ADAM18: variants seen among roughly 807,000 people sequenced by gnomAD.
The protein encoded by ADAM18 is ADAM metallopeptidase domain 18, also known as disintegrin and metalloproteinase domain-containing protein 18.
ADAM18 carries 117 observed loss-of-function variants against 94.4 expected under a neutral mutation model. The observed-to-expected ratio is 1.24, with a 90% CI of 1.07 to 1.45. The LOEUF is 1.45. ADAM18 is among the 40% of genes most tolerant of loss of function. The pLI is 0.00. For missense variants in ADAM18, 936 were observed against 880.0 expected (o/e 1.06, Z -0.81); for synonymous variants, 327 against 291.6 (o/e 1.12, Z -1.24).
chr8:39,645,159 C>T (rs1820343942), intron 10 of ADAM18, among the ~76,000 whole-genome samples, 179 bp from the exon 11 acceptor site: 1 of 152,156 alleles, frequency 6.6e-6, no homozygotes, highest in Non-Finnish European at 1.5e-5. Context: ...TTACTTGTTT[C>T]ATGCTTCTTA....
rs529851475 is a variant in ADAM18, at chr8:39,588,173, C to T, written c.132+2821C>T. Among the ~76,000 whole-genome samples, 154 of 151,844 alleles carry T rather than the reference C, an allele frequency of 1.0e-3. 1 individual carries two copies. Among genetic ancestry groups the T allele is most frequent in the African/African-American group, 3.6e-3 (151 of 41,454 alleles). On this transcript the variant is annotated intron_variant, in intron 2 of 19. Coordinates refer to ENST00000265707, the MANE Select transcript of ADAM18 (RefSeq NM_014237.3). Reference sequence around the variant, plus strand: ...CACCAATAGTGTACAAAGATTCCAACTTCTCCACATCTTTGCCAGTGCTTG... The same window carrying T: ...CACCAATAGTGTACAAAGATTCCAATTTCTCCACATCTTTGCCAGTGCTTG...
At chr8:39,649,052 A>G (rs1392583987) in intron 12 of ADAM18, among the ~76,000 whole-genome samples, 2 of 152,128 alleles carry the variant, frequency 1.3e-5, no homozygotes, top group African/African-American at 4.8e-5. Context: ...CAAATGTTCA[A>G]TGAACATTAT....
intron 17 of ADAM18, among the ~76,000 whole-genome samples, chr8:39,704,269 G>A (rs79976202): frequency 2.0e-5 from 3 of 152,002 alleles, no homozygotes; most frequent in African/African-American, 7.2e-5. Context: ...TAAAATTTTA[G>A]GCCTATATCT....
intron 16 of ADAM18, among the ~76,000 whole-genome samples, chr8:39,689,668 G>C (rs1356073134): frequency 1.3e-5 from 2 of 152,240 alleles, no homozygotes; most frequent in East Asian, 1.9e-4. Flanking sequence ...GATTGCATTG[G>C]CTATTCAGGC....
chr8:39,610,658 T>C lies in ADAM18; in HGVS notation c.474T>C (p.Ser158=), dbSNP rs932531267. 6.2e-7 allele frequency: 1 copy of C among 1,613,256 alleles called. No individual in the cohort carries two copies. The highest frequency in any genetic ancestry group is 1.3e-5 in the African/African-American group (1 of 75,004). ...TATCCATTTTAGCAGTAAATTACAGTCATATTTGGCAGAAAGACCAGCCCT... is the reference window on the plus strand; with the variant it reads ...TATCCATTTTAGCAGTAAATTACAGCCATATTTGGCAGAAAGACCAGCCCT... ...PNVSILAVNY[S]HIWQKDQPYK... Residue 158 remains serine, a synonymous_variant, in exon 6 of 20, where the codon AGT becomes AGC. Coordinates refer to ENST00000265707, the MANE Select transcript of ADAM18 (RefSeq NM_014237.3).
intron 19 of ADAM18, among the ~76,000 whole-genome samples, chr8:39,726,513 A>G (rs1822916474): frequency 1.3e-5 from 2 of 151,848 alleles, no homozygotes; most frequent in Non-Finnish European, 2.9e-5. Flanking sequence ...CTGCCTTTTT[A>G]TTTCATTGAT....
At chr8:39,680,393 A>G (rs1265235543) in intron 16 of ADAM18, among the ~76,000 whole-genome samples, 167 bp downstream of exon 16, 2 of 152,210 alleles carry the variant, frequency 1.3e-5, no homozygotes, top group African/African-American at 4.8e-5. Flanking sequence ...TAAGTTATCC[A>G]ATTACATTGC....
chr8:39,692,678 G>T lies in ADAM18; in HGVS notation c.1900G>T (p.Gly634Trp). The T allele has an allele frequency of 6.3e-7, 1 of 1,595,696 alleles. No homozygotes were observed. Among genetic ancestry groups the T allele is most frequent in the South Asian group, 1.1e-5 (1 of 88,574 alleles). ...TGCCACCACAAAATGCAAAGGGAAA[G>T]GGGTAAGTCACTTTTGTATCTGAAT... is the stretch of plus-strand genomic sequence containing the variant. ...CNATTKCKGK[G>W]ICNNFGNCQC... The change falls in exon 17 of 20, where the codon GGG becomes TGG. Residue 634 changes from glycine (G) to tryptophan (W), a missense_variant and splice_region_variant. Transcript: ENST00000265707.
At chr8:39,612,621 G>T (rs1004696787) in intron 6 of ADAM18, among the ~76,000 whole-genome samples, 2 of 152,134 alleles carry the variant, frequency 1.3e-5, no homozygotes, top group Non-Finnish European at 2.9e-5. Context: ...GGTGGCTTTG[G>T]TTTTTGTTGA....
intron 18 of ADAM18, among the ~76,000 whole-genome samples, chr8:39,716,627 C>T (rs1299808378): frequency 6.6e-6 from 1 of 151,882 alleles, no homozygotes; most frequent in Non-Finnish European, 1.5e-5. Context: ...TTTGATCTGT[C>T]CTGGAGAAAG....
chr8:39,705,561 A>G (rs1822219891), intron 17 of ADAM18, among the ~76,000 whole-genome samples: 1 of 152,118 alleles, frequency 6.6e-6, no homozygotes, highest in Admixed American at 6.6e-5. Flanking sequence ...CCCATCTAAA[A>G]AAATGCATAA....
intron 17 of ADAM18, among the ~76,000 whole-genome samples, chr8:39,703,892 C>T (rs1822155845): frequency 6.6e-6 from 1 of 151,972 alleles, no homozygotes; most frequent in Admixed American, 6.6e-5. Flanking sequence ...TTACTACTGA[C>T]TGCACAGAAA....
chr8:39,678,406 T>G (rs1324936261), intron 15 of ADAM18, among the ~76,000 whole-genome samples: 2 of 152,156 alleles, frequency 1.3e-5, no homozygotes, highest in Non-Finnish European at 2.9e-5. Context: ...TACCATGGAT[T>G]ATGTATGCTG....
chr8:39,722,028 T>A (rs1262794022), intron 18 of ADAM18, among the ~76,000 whole-genome samples: 2 of 150,636 alleles, frequency 1.3e-5, no homozygotes, highest in Admixed American at 6.7e-5. Flanking sequence ...ACACATTATA[T>A]ATATATGCAC....
At chr8:39,684,118 C>A (rs1050788104) in intron 16 of ADAM18, among the ~76,000 whole-genome samples, 10 of 151,954 alleles carry the variant, frequency 6.6e-5, no homozygotes, top group African/African-American at 2.4e-4. Flanking sequence ...GTCAACAAAG[C>A]AAGACCTTAT....
intron 14 of ADAM18, among the ~76,000 whole-genome samples, chr8:39,669,333 C>G (rs1316644408): frequency 6.9e-6 from 1 of 145,780 alleles, no homozygotes; most frequent in Non-Finnish European, 1.5e-5. Context: ...TATTATTATA[C>G]TTTAAGTTTT....
chr8:39,675,770 C>T (rs1329752065), intron 14 of ADAM18, among the ~76,000 whole-genome samples: 1 of 152,158 alleles, frequency 6.6e-6, no homozygotes, highest in Non-Finnish European at 1.5e-5. Flanking sequence ...TTTTGTCTAC[C>T]TTTGGTCTTT....
At chr8:39,623,072 T>C (rs1819659347) in intron 6 of ADAM18, among the ~76,000 whole-genome samples, 1 of 152,188 alleles carries the variant, frequency 6.6e-6, no homozygotes, top group Non-Finnish European at 1.5e-5. Context: ...GATACCACTC[T>C]GTATGTCTTT....
intron 6 of ADAM18, among the ~76,000 whole-genome samples, chr8:39,615,056 A>G (rs752127904): frequency 5.3e-5 from 8 of 152,178 alleles, no homozygotes; most frequent in Admixed American, 2.0e-4. Context: ...ATTAAGGCAG[A>G]AAACTAACAA....
Sources: allele counts gnomAD v4.1 joint callset (sites outside exome capture counted in the v4.1 genomes callset), GRCh38; gene constraint gnomAD v4.1.1; transcripts MANE v1.5; gene names NCBI Gene and HGNC (gene_info 2026-07-23, HGNC 2026-07-21).